CPEB1: variants seen among roughly 807,000 people sequenced by gnomAD.
CPEB1 encodes the protein cytoplasmic polyadenylation element-binding protein 1.
A neutral mutation model predicts 65.8 loss-of-function variants in CPEB1; 7 were observed. The observed-to-expected ratio is 0.11, with a 90% confidence interval of 0.06 to 0.20. CPEB1 has a LOEUF of 0.20. Ranked by LOEUF, CPEB1 falls within the 10% of genes least tolerant of loss-of-function variation. The pLI is 1.00. For missense variants in CPEB1, 551 were observed against 712.2 expected (o/e 0.77, Z 2.58); for synonymous variants, 262 against 260.0 (o/e 1.01, Z -0.08).
At chr15:82,556,274 C>T in intron 5 of CPEB1, 152 bp from the exon 6 acceptor site, 2 of 810,222 alleles carry the variant, frequency 2.5e-6, no homozygotes, top group Non-Finnish European at 3.7e-6. Flanking sequence ...TTGATTAGTT[C>T]TAGTTATACT....
At chr15:82,619,840 A>G (rs1025313327) in intron 3 of CPEB1, among the ~76,000 whole-genome samples, 1 of 152,226 alleles carries the variant, frequency 6.6e-6, no homozygotes, top group Non-Finnish European at 1.5e-5. Context: ...GTAAACTGGT[A>G]TAACCACTGA....
intron 3 of CPEB1, among the ~76,000 whole-genome samples, chr15:82,575,808 A>G (rs1213953563): frequency 6.6e-6 from 1 of 152,066 alleles, no homozygotes; most frequent in Non-Finnish European, 1.5e-5. Context: ...GATGTTGTCA[A>G]TCAAAGCTTC....
rs2045856290 is a variant in CPEB1, at chr15:82,627,309, G to A, written c.155C>T (p.Ser52Phe). 4 of 1,613,590 alleles carry A rather than the reference G, an allele frequency of 2.5e-6. No individual in the cohort carries two copies. The highest frequency in any genetic ancestry group is 3.4e-6 in the Non-Finnish European group (4 of 1,179,672). ...CWDNQEAPAL[S>F]TCSNANIFRR... ...AAAGATATTGGCATTACTACACGTG[G>A]AGAGAGCAGGTGCTTCCTGGTTGTC... The change falls in exon 3 of 13, where the codon TCC becomes TTC. Residue 52 changes from serine to phenylalanine, a missense_variant. By Grantham distance (155) the Ser-to-Phe change is radical (BLOSUM62 -2). This residue lies in a region of CPEB1 where 223 missense variants were observed against 228.6 expected (regional missense o/e 0.98). Coordinates refer to ENST00000684509, the MANE Select transcript of CPEB1 (RefSeq NM_001365242.1).
chr15:82,626,382 C>T (rs933085125), intron 3 of CPEB1, among the ~76,000 whole-genome samples: 111 of 151,324 alleles, frequency 7.3e-4, no homozygotes, highest in African/African-American at 2.5e-3. Flanking sequence ...TGCAGTGAGC[C>T]GAGATCACAC....
At chr15:82,605,424 C>T (rs1331660675) in intron 3 of CPEB1, among the ~76,000 whole-genome samples, 1 of 151,762 alleles carries the variant, frequency 6.6e-6, no homozygotes. Flanking sequence ...TAAAAGGGTA[C>T]AAAGTTTTGA....
intron 4 of CPEB1, among the ~76,000 whole-genome samples, chr15:82,566,898 A>C (rs2039221471): frequency 6.6e-6 from 1 of 152,080 alleles, no homozygotes; most frequent in South Asian, 2.1e-4. Context: ...GGCCCAAGAT[A>C]CTGATCTTTG....
intron 3 of CPEB1, among the ~76,000 whole-genome samples, chr15:82,599,910 G>T (rs1184676942): frequency 6.6e-6 from 1 of 151,696 alleles, no homozygotes; most frequent in African/African-American, 2.4e-5. Context: ...ATACATAAGG[G>T]AGACACAAAA....
At chr15:82,612,817 T>C (rs2044300761) in intron 3 of CPEB1, among the ~76,000 whole-genome samples, 1 of 151,138 alleles carries the variant, frequency 6.6e-6, no homozygotes, top group African/African-American at 2.4e-5. Context: ...CTGGGCAACA[T>C]AGTGAGACTC....
At chr15:82,626,699 T>G (rs1488147247) in intron 3 of CPEB1, among the ~76,000 whole-genome samples, 2 of 152,176 alleles carry the variant, frequency 1.3e-5, no homozygotes, top group African/African-American at 4.8e-5. Flanking sequence ...CACTGTCCAG[T>G]GCAGTAGCCA....
chr15:82,560,724 G>A (rs138108814), intron 4 of CPEB1, among the ~76,000 whole-genome samples: 10 of 151,706 alleles, frequency 6.6e-5, no homozygotes, highest in East Asian at 1.9e-4. Context: ...TGAGAGACAC[G>A]GAAAAGGAGA....
At chr15:82,630,618 AAAG>A (rs1315625269) in intron 1 of CPEB1, among the ~76,000 whole-genome samples, 1 of 151,956 alleles carries the variant, frequency 6.6e-6, no homozygotes, top group Non-Finnish European at 1.5e-5. Context: ...AAAAAAAAAG[AAAG>A]AAAAAGAACT....
At chr15:82,630,920 A>G (rs2046191679) in intron 1 of CPEB1, among the ~76,000 whole-genome samples, 1 of 152,170 alleles carries the variant, frequency 6.6e-6, no homozygotes, top group Non-Finnish European at 1.5e-5. Context: ...AAATTAACCT[A>G]GCTTTTAATT....
At chr15:82,581,458 T>C (rs2041274991) in intron 3 of CPEB1, among the ~76,000 whole-genome samples, 1 of 152,208 alleles carries the variant, frequency 6.6e-6, no homozygotes, top group South Asian at 2.1e-4. Context: ...CTTTTGTGTG[T>C]ATACCTAGAA....
chr15:82,632,804 C>G (rs531079047), intron 1 of CPEB1, among the ~76,000 whole-genome samples: 1 of 152,134 alleles, frequency 6.6e-6, no homozygotes, highest in East Asian at 1.9e-4. Context: ...GCTGGGATTA[C>G]AGGCATGAGC....
In CPEB1 at chr15:82,543,472, A is replaced by AAAAAAAAAAAAAGG. The variant is rs1181243906; in HGVS notation, c.*1106_*1119dup. 2.0e-5 allele frequency: 3 copies of AAAAAAAAAAAAAGG among 151,164 alleles called. No homozygotes were observed. The highest frequency in any genetic ancestry group is 4.4e-5 in the Non-Finnish European group (3 of 67,792). 9.4% of individuals were successfully genotyped at this position (151,164 alleles called of 1,614,324 possible). The stretch of plus-strand genomic sequence containing the variant: ...TTTTTGTTTCTTTTTAAAAAAAAAA[A>AAAAAAAAAAAAAGG]AAAAAAAAAAAAGGAAAGAAAAAAA... On this transcript the variant is annotated 3_prime_UTR_variant, in exon 13 of 13. Coordinates refer to ENST00000684509, the MANE Select transcript of CPEB1 (RefSeq NM_001365242.1).
intron 3 of CPEB1, among the ~76,000 whole-genome samples, chr15:82,591,802 A>C (rs1175974971): frequency 6.7e-6 from 1 of 150,164 alleles, no homozygotes; most frequent in Non-Finnish European, 1.5e-5. Flanking sequence ...TTCACTTAGC[A>C]TGTTTTTAAG....
intron 3 of CPEB1, among the ~76,000 whole-genome samples, chr15:82,613,445 C>T (rs55924160): frequency 0.47 from 70,939 of 151,834 alleles, 16,890 homozygotes; most frequent in African/African-American, 0.57. Context: ...TGGAGTGCAG[C>T]GGCACGATCT....
chr15:82,604,064 C>G (rs1313491), intron 3 of CPEB1, among the ~76,000 whole-genome samples: 5 of 152,158 alleles, frequency 3.3e-5, no homozygotes, highest in African/African-American at 1.2e-4. Flanking sequence ...CTAAAGGATA[C>G]CATATCTGGC....
chr15:82,617,015 G>A (rs113139502), intron 3 of CPEB1, among the ~76,000 whole-genome samples: 94 of 152,112 alleles, frequency 6.2e-4, no homozygotes, highest in African/African-American at 1.9e-3. Context: ...ACCACTTATC[G>A]TCAAGTTCTG....
Sources: allele counts gnomAD v4.1 joint callset (sites outside exome capture counted in the v4.1 genomes callset), GRCh38; gene constraint gnomAD v4.1.1; regional missense constraint gnomAD v4.1.1; transcripts MANE v1.5; gene names NCBI Gene and HGNC (gene_info 2026-07-23, HGNC 2026-07-21).